SCARB2: variants seen among roughly 807,000 people sequenced by gnomAD.
SCARB2 encodes the protein scavenger receptor class B member 2, also known as lysosome membrane protein 2.
Under a neutral mutation model 58.6 loss-of-function variants are expected in SCARB2, and 29 were observed. That is an observed-to-expected ratio of 0.49 (90% CI 0.37 to 0.67). SCARB2 has a LOEUF of 0.67. SCARB2 is among the 30% of genes least tolerant of loss of function. The probability of loss-of-function intolerance (pLI) is 0.00; values close to 1 mark genes in which losing one functional copy is unlikely to be tolerated. For synonymous variants in SCARB2, 195 were observed against 210.1 expected (o/e 0.93, Z 0.62); for missense variants, 488 against 578.5 (o/e 0.84, Z 1.60).
chr4:76,161,807 A>G, intron 11 of SCARB2, 56 bp from the exon 12 acceptor site: 1 of 1,591,540 alleles, frequency 6.3e-7, no homozygotes, highest in Non-Finnish European at 8.6e-7. Flanking sequence ...ACTTCTCCCC[A>G]GTGTGAAAAG....
chr4:76,178,595 G>A (rs1432895444), intron 4 of SCARB2, among the ~76,000 whole-genome samples: 2 of 152,098 alleles, frequency 1.3e-5, no homozygotes, highest in Non-Finnish European at 1.5e-5. Context: ...TTCAGTCAGG[G>A]CTTGACAGGA....
At chr4:76,167,006 A>C (rs1467234086) in intron 9 of SCARB2, 1 of 152,502 alleles carries the variant, frequency 6.6e-6, no homozygotes, top group Non-Finnish European at 1.5e-5. Context: ...AGTTTTATAG[A>C]TAAATATATT....
At chr4:76,230,142 C>T (rs558877634) in intron 1 of SCARB2, among the ~76,000 whole-genome samples, 16 of 152,172 alleles carry the variant, frequency 1.1e-4, no homozygotes, top group Non-Finnish European at 2.2e-4. Context: ...TAGAGAAAAA[C>T]CATGAGGTGG....
upstream of SCARB2, among the ~76,000 whole-genome samples, chr4:76,215,761 A>T (rs1169057158): frequency 6.6e-6 from 1 of 152,042 alleles, no homozygotes; most frequent in Non-Finnish European, 1.5e-5. Flanking sequence ...CTGTGGGGAG[A>T]AGCCCTGAGT....
At chr4:76,196,969 C>T (rs966164566) in intron 1 of SCARB2, among the ~76,000 whole-genome samples, 2 of 151,832 alleles carry the variant, frequency 1.3e-5, no homozygotes, top group Non-Finnish European at 2.9e-5. Context: ...GTAGGCCCTG[C>T]TAATAGGACC....
chr4:76,195,335 A>G (rs112416037), intron 2 of SCARB2: 71 of 196,844 alleles, frequency 3.6e-4, no homozygotes, highest in African/African-American at 1.5e-3. Flanking sequence ...ACTGCACTCC[A>G]GCCTGGGCAA....
chr4:76,198,841 A>AGTGTGT (rs10545527), intron 1 of SCARB2, among the ~76,000 whole-genome samples: 9,478 of 141,026 alleles, frequency 0.067, 314 homozygotes, highest in East Asian at 0.15. Flanking sequence ...AGAGTGAGTG[A>AGTGTGT]GTGTGTGTGT....
chr4:76,160,334 T>G lies in SCARB2; in HGVS notation c.*1379A>C, dbSNP rs1578710010. 6.6e-6 allele frequency: 1 copy of G among 152,230 alleles called. No individual in the cohort carries two copies. Among genetic ancestry groups the G allele is most frequent in the East Asian group, 1.9e-4 (1 of 5,196 alleles). The allele number at this position is 152,230 out of a possible 1,614,324, so 9.4% of individuals were successfully genotyped here. The stretch of plus-strand genomic sequence containing the variant: ...TTTGTCAGCTAAATGTATAGGCTTC[T>G]CAATTCAAAATGAATGCTGAACTTT... On this transcript the variant is annotated 3_prime_UTR_variant, in exon 12 of 12. Transcript: ENST00000264896.
intron 7 of SCARB2, 63 bp from the exon 8 acceptor site, chr4:76,170,048 T>C (rs1578716690): frequency 1.5e-6 from 2 of 1,351,184 alleles, no homozygotes; most frequent in Non-Finnish European, 2.1e-6. Context: ...GAGCTGAATA[T>C]AAAAGTTCCT....
intron 11 of SCARB2, chr4:76,161,962 C>T (rs1028789264): frequency 1.3e-5 from 8 of 623,914 alleles, no homozygotes; most frequent in African/African-American, 7.3e-5. Flanking sequence ...ACCACTCCCA[C>T]CCTCAATACC....
At chr4:76,169,807 G>T in intron 8 of SCARB2, 60 bp downstream of exon 8, 1 of 1,339,336 alleles carries the variant, frequency 7.5e-7, no homozygotes. Context: ...CTAAACTGGT[G>T]AACAATGTAT....
At chr4:76,180,836 ATATATG>A in intron 3 of SCARB2, 112 bp downstream of exon 3, 2 of 748,046 alleles carry the variant, frequency 2.7e-6, no homozygotes, top group East Asian at 2.8e-5. Flanking sequence ...TTTTCTTTTT[ATATATG>A]TATATTTCAA....
At position 76,230,492 on chromosome 4, in the gene SCARB2, G is replaced by A. The variant is rs577282554; in HGVS notation, c.-358+3811C>T. 3.9e-5 allele frequency among the ~76,000 whole-genome samples: 6 copies of A among 152,266 alleles called. No homozygotes were observed. In the South Asian group the frequency reaches 1.2e-3, roughly 32 times the overall value. Reference sequence around the variant, plus strand: ...AGGCCTCACCTGCCCCTCCCTGTCTGCCCACACGATGGGCCATGGCTCCTG... The same window carrying A: ...AGGCCTCACCTGCCCCTCCCTGTCTACCCACACGATGGGCCATGGCTCCTG... On this transcript the variant is annotated intron_variant, in intron 1 of 11. Transcript: ENST00000638295.
chr4:76,213,971 CTCCCCGGCCGG>C (rs899793560), upstream of SCARB2: 2 of 181,456 alleles, frequency 1.1e-5, no homozygotes, highest in South Asian at 1.9e-4. Flanking sequence ...GGCCCGCGCC[CTCCCCGGCCGG>C]TCCCCGGTGG....
At chr4:76,199,085 G>A (rs1321754083) in intron 1 of SCARB2, among the ~76,000 whole-genome samples, 3 of 152,086 alleles carry the variant, frequency 2.0e-5, no homozygotes, top group Admixed American at 2.0e-4. Flanking sequence ...GCTATGCTAG[G>A]GGCTTTATAA....
chr4:76,220,165 C>A (rs925413645), intron 1 of SCARB2, among the ~76,000 whole-genome samples: 2 of 152,128 alleles, frequency 1.3e-5, no homozygotes, highest in African/African-American at 4.8e-5. Flanking sequence ...AGGTATATAA[C>A]CCCCAAAATT....
rs75945181 is a variant in SCARB2, at chr4:76,161,971, C to A, written c.1399-220G>T. On this transcript the variant is annotated intron_variant, in intron 11 of 11. Transcript: ENST00000264896. ...TCTCTGACCACTCCCACCCTCAATA[C>A]CAGAGCAGTACCCTTCTCTGTGTTG... 6,710 of 612,698 alleles carry A rather than the reference C, an allele frequency of 0.011. 185 individuals carry two copies. Among genetic ancestry groups the A allele is most frequent in the African/African-American group, 0.071 (3,861 of 54,406 alleles). The allele number at this position is 612,698 out of a possible 1,614,324, so 38.0% of individuals were successfully genotyped here.
At chr4:76,197,799 G>A (rs1732744337) in intron 1 of SCARB2, among the ~76,000 whole-genome samples, 1 of 152,120 alleles carries the variant, frequency 6.6e-6, no homozygotes, top group African/African-American at 2.4e-5. Context: ...TTCAGGTCCG[G>A]ATTAGGAGGA....
intron 8 of SCARB2, 80 bp downstream of exon 8, chr4:76,169,787 A>C (rs995364976): frequency 2.5e-5 from 29 of 1,152,456 alleles, no homozygotes; most frequent in Non-Finnish European, 3.7e-5. Context: ...TTTTTAAAGA[A>C]GGCTCAGGAC....
Sources: allele counts gnomAD v4.1 joint callset (sites outside exome capture counted in the v4.1 genomes callset), GRCh38; gene constraint gnomAD v4.1.1; transcripts MANE v1.5; gene names NCBI Gene and HGNC (gene_info 2026-07-23, HGNC 2026-07-21).